The following RPS6KC1 variants were observed in gnomAD, a reference collection of about 807,000 sequenced individuals.
The protein encoded by RPS6KC1 is ribosomal protein S6 kinase C1, also known as inactive ribosomal protein S6 kinase delta-1.
RPS6KC1 carries 54 observed loss-of-function variants against 103.8 expected under a neutral mutation model. The observed-to-expected ratio is 0.52, with a 90% CI of 0.42 to 0.65. The LOEUF (loss-of-function observed/expected upper bound fraction) is 0.65, where lower values mean the gene tolerates loss of function less well. Among genes scored for constraint, RPS6KC1 ranks in the 30% least tolerant of loss-of-function variants. The pLI, the probability that RPS6KC1 is intolerant of heterozygous loss-of-function variation, is 0.00. For synonymous variants in RPS6KC1, 439 were observed against 438.7 expected (o/e 1.00, Z -0.01); for missense variants, 1,151 against 1,253.8 (o/e 0.92, Z 1.24).
chr1:213,384,231 A>G, the RPS6KC1 span, among the ~76,000 whole-genome samples: 1 of 151,988 alleles, frequency 6.6e-6, no homozygotes, highest in African/African-American at 2.4e-5. Context: ...AGCTGAGACC[A>G]TGCCACTGCA....
chr1:213,645,381 T>C, the RPS6KC1 span, among the ~76,000 whole-genome samples: 1 of 152,166 alleles, frequency 6.6e-6, no homozygotes, highest in Admixed American at 6.5e-5. Context: ...CATTGGCAAG[T>C]ATTTCATAAA....
chr1:213,256,939 C>G (rs2094659565), intron 12 of RPS6KC1, among the ~76,000 whole-genome samples: 1 of 152,050 alleles, frequency 6.6e-6, no homozygotes, highest in Admixed American at 6.6e-5. Context: ...AATGAGTATC[C>G]CAGGGGACCA....
At chr1:213,445,810 C>T in the RPS6KC1 span, among the ~76,000 whole-genome samples, 1 of 152,272 alleles carries the variant, frequency 6.6e-6, no homozygotes, top group Middle Eastern at 3.4e-3. Flanking sequence ...GCTAAGTGGC[C>T]GGTTTCTGGC....
chr1:213,647,020 C>T, the RPS6KC1 span, among the ~76,000 whole-genome samples: 1 of 152,058 alleles, frequency 6.6e-6, no homozygotes, highest in Non-Finnish European at 1.5e-5. Context: ...GCCTCTGCCT[C>T]CCGAGTAGCT....
the RPS6KC1 span, among the ~76,000 whole-genome samples, chr1:213,344,692 G>A: frequency 1.3e-5 from 2 of 152,060 alleles, no homozygotes; most frequent in Non-Finnish European, 2.9e-5. Flanking sequence ...GCACCACCAC[G>A]CCTGGCTAAT....
chr1:213,419,802 G>A, the RPS6KC1 span, among the ~76,000 whole-genome samples: 1 of 152,180 alleles, frequency 6.6e-6, no homozygotes, highest in African/African-American at 2.4e-5. Flanking sequence ...CATGTGTCAG[G>A]GTCTGTGGCT....
At chr1:213,276,069 TG>T (rs1394888025), downstream of RPS6KC1, among the ~76,000 whole-genome samples, 1 of 152,204 alleles carries the variant, frequency 6.6e-6, no homozygotes, top group Non-Finnish European at 1.5e-5. Context: ...TGCTTTCAAA[TG>T]GTGCATGTAC....
chr1:213,650,712 C>T, the RPS6KC1 span, among the ~76,000 whole-genome samples: 56 of 152,138 alleles, frequency 3.7e-4, no homozygotes, highest in Non-Finnish European at 1.2e-4. Context: ...GCTCATCTCC[C>T]TCTCCCCACC....
rs2094367233 is a variant in RPS6KC1, at chr1:213,242,017, A to G, written c.2541A>G (p.Thr847=). Residue 847 remains threonine (T), a synonymous_variant, in exon 11 of 15, where the codon ACA becomes ACG. Coordinates refer to ENST00000366960, the MANE Select transcript of RPS6KC1 (RefSeq NM_012424.6). ...TLKTEEVLLF[T]DQTDDLAKEE... is the part of the protein sequence containing the mutation. ...AAACAGAAGAAGTATTGCTGTTTAC[A>G]GATCAGACTGATGATTTGGCTAAAG... 1 of 1,614,088 alleles carries G rather than the reference A, an allele frequency of 6.2e-7. No homozygotes were observed. The highest frequency in any genetic ancestry group is 8.5e-7 in the Non-Finnish European group (1 of 1,179,952).
chr1:213,770,952 C>A, the RPS6KC1 span, among the ~76,000 whole-genome samples: 1 of 152,164 alleles, frequency 6.6e-6, no homozygotes, highest in African/African-American at 2.4e-5. Context: ...TAGTAACAAT[C>A]CTAATGGACA....
the RPS6KC1 span, among the ~76,000 whole-genome samples, chr1:213,563,532 A>G: frequency 1.3e-5 from 2 of 152,064 alleles, no homozygotes; most frequent in African/African-American, 2.4e-5. Flanking sequence ...TTTACTCTTC[A>G]TTCCCACTTT....
chr1:213,194,949 T>C (rs562604496), intron 8 of RPS6KC1, among the ~76,000 whole-genome samples: 2 of 152,232 alleles, frequency 1.3e-5, no homozygotes, highest in South Asian at 4.2e-4. Flanking sequence ...ATTCTTAAAA[T>C]GACAAAATTA....
chr1:213,823,753 C>CACACACACACACACACACACA, the RPS6KC1 span, among the ~76,000 whole-genome samples: 1 of 100,194 alleles, frequency 1.0e-5, no homozygotes. Flanking sequence ...CACACACACA[C>CACACACACACACACACACACA]CACACCACAT....
chr1:213,820,277 C>A, the RPS6KC1 span: 1 of 152,248 alleles, frequency 6.6e-6, no homozygotes, highest in South Asian at 2.1e-4. Context: ...GGAGCTCTGC[C>A]TTCTTATTAG....
chr1:213,362,548 C>A, the RPS6KC1 span, among the ~76,000 whole-genome samples: 1 of 152,214 alleles, frequency 6.6e-6, no homozygotes, highest in Non-Finnish European at 1.5e-5. Flanking sequence ...CTCAAGTCAG[C>A]ACTCTTTCCT....
chr1:213,851,398 TTC>T, the RPS6KC1 span, among the ~76,000 whole-genome samples: 1 of 152,128 alleles, frequency 6.6e-6, no homozygotes, highest in Admixed American at 6.5e-5. Context: ...TCTCCCTACT[TTC>T]TCTCTCTCTT....
chr1:213,159,204 G>C (rs1040916647), intron 6 of RPS6KC1, among the ~76,000 whole-genome samples: 6 of 152,034 alleles, frequency 3.9e-5, no homozygotes, highest in African/African-American at 1.4e-4. Flanking sequence ...TTTCCCCAGG[G>C]TTACCACTGA....
At chr1:213,331,753 AG>A in the RPS6KC1 span, among the ~76,000 whole-genome samples, 4 of 152,298 alleles carry the variant, frequency 2.6e-5, no homozygotes, top group East Asian at 5.8e-4. Flanking sequence ...TGAAGAGGCC[AG>A]GGTCCTTTTG....
the RPS6KC1 span, among the ~76,000 whole-genome samples, chr1:213,678,655 G>T: frequency 6.6e-6 from 1 of 152,138 alleles, no homozygotes; most frequent in African/African-American, 2.4e-5. Flanking sequence ...GGTTCCCAAG[G>T]GTGCTACCTG....
Sources: gnomAD v4.1 joint callset for allele counts (sites outside exome capture counted in the v4.1 genomes callset) on GRCh38, gnomAD v4.1.1 for gene constraint, MANE v1.5 for transcripts, NCBI Gene and HGNC (gene_info 2026-07-23, HGNC 2026-07-21) for gene names.